Variants in EBF1 observed in about 807,000 individuals in gnomAD.
EBF1 encodes transcription factor COE1.
A neutral mutation model predicts 68.4 loss-of-function variants in EBF1; 10 were observed. The observed-to-expected ratio is 0.15, with a 90% CI of 0.09 to 0.25. The LOEUF is 0.25. Ranked by LOEUF, EBF1 falls within the 10% of genes least tolerant of loss-of-function variation. EBF1 has a pLI of 1.00. For synonymous variants in EBF1, 298 were observed against 299.8 expected (o/e 0.99, Z 0.06); for missense variants, 509 against 794.4 (o/e 0.64, Z 4.32).
At chr5:158,898,254 C>T (rs1802559415) in intron 6 of EBF1, among the ~76,000 whole-genome samples, 1 of 152,110 alleles carries the variant, frequency 6.6e-6, no homozygotes, top group Non-Finnish European at 1.5e-5. Flanking sequence ...TCCAGGTGCT[C>T]TCCTTTTACC....
chr5:158,870,717 T>C (rs1796728947), intron 6 of EBF1, among the ~76,000 whole-genome samples: 1 of 152,092 alleles, frequency 6.6e-6, no homozygotes, highest in South Asian at 2.1e-4. Context: ...ATCTGAGGCT[T>C]GCCCACTAGC....
chr5:158,797,065 C>T (rs1779727679), intron 8 of EBF1, among the ~76,000 whole-genome samples: 1 of 152,086 alleles, frequency 6.6e-6, no homozygotes, highest in Non-Finnish European at 1.5e-5. Context: ...ATGCAGGTCA[C>T]TCGGGGTGAA....
chr5:158,857,861 G>C (rs1289548227), intron 6 of EBF1, among the ~76,000 whole-genome samples: 1 of 152,148 alleles, frequency 6.6e-6, no homozygotes, highest in Non-Finnish European at 1.5e-5. Context: ...ACTGGAAAAA[G>C]TCACATAATT....
chr5:158,758,565 G>A (rs1770661356), intron 10 of EBF1, among the ~76,000 whole-genome samples: 1 of 152,046 alleles, frequency 6.6e-6, no homozygotes, highest in African/African-American at 2.4e-5. Flanking sequence ...AAACATATGA[G>A]CTATTAGAAA....
rs10063378 is a variant in EBF1 at position 158,823,066 on chromosome 5, A to G, written c.778+110T>C. 9,853 of 1,479,528 alleles carry G rather than the reference A, an allele frequency of 6.7e-3. 531 individuals carry two copies. In the African/African-American group the frequency reaches 0.12, roughly 18 times the overall value. 91.7% of individuals were successfully genotyped at this position (1,479,528 alleles called of 1,614,324 possible). On this transcript the variant is annotated intron_variant, in intron 8 of 15. Transcript: ENST00000313708. ...CCTAGAGGACCAATCTTATTCAAAAAGACTTTTGAAATTTGAAACAGAATA... is the reference window on the plus strand; with the variant it reads ...CCTAGAGGACCAATCTTATTCAAAAGGACTTTTGAAATTTGAAACAGAATA...
chr5:158,709,762 G>T (rs1335029336), intron 14 of EBF1, among the ~76,000 whole-genome samples: 2 of 152,086 alleles, frequency 1.3e-5, no homozygotes, highest in Non-Finnish European at 2.9e-5. Context: ...ACATCTCTTA[G>T]GATTTGTAAC....
At chr5:158,771,083 G>A (rs1198950787) in intron 10 of EBF1, among the ~76,000 whole-genome samples, 1 of 152,058 alleles carries the variant, frequency 6.6e-6, no homozygotes, top group Non-Finnish European at 1.5e-5. Context: ...ACAGAACACA[G>A]GTATTTTTAT....
intron 6 of EBF1, among the ~76,000 whole-genome samples, chr5:158,999,916 C>T (rs1762196756): frequency 6.6e-6 from 1 of 152,232 alleles, no homozygotes; most frequent in Admixed American, 6.5e-5. Context: ...ACATCCATCA[C>T]TGGCATTTTT....
At chr5:158,946,983 CTG>C (rs1017722945) in intron 6 of EBF1, among the ~76,000 whole-genome samples, 1 of 152,212 alleles carries the variant, frequency 6.6e-6, no homozygotes, top group Non-Finnish European at 1.5e-5. Flanking sequence ...TTTGTTAACA[CTG>C]TGAGGGGAAA....
intron 6 of EBF1, among the ~76,000 whole-genome samples, chr5:159,049,514 C>T (rs565335616): frequency 6.6e-6 from 1 of 152,334 alleles, no homozygotes; most frequent in Admixed American, 6.5e-5. Flanking sequence ...CTCACACACA[C>T]ATATATTTTA....
chr5:158,993,837 C>A (rs1247927353), intron 6 of EBF1, among the ~76,000 whole-genome samples: 4 of 152,116 alleles, frequency 2.6e-5, no homozygotes, highest in Admixed American at 6.5e-5. Flanking sequence ...CATGGTCAGA[C>A]CTAAAGGATT....
intron 5 of EBF1, among the ~76,000 whole-genome samples, chr5:159,074,327 T>C (rs1290803016): frequency 6.6e-6 from 1 of 152,188 alleles, no homozygotes; most frequent in African/African-American, 2.4e-5. Context: ...AAAAGTACAA[T>C]GGTCAACAGA....
chr5:158,777,593 A>C (rs2127679850), intron 9 of EBF1, 54 bp from the exon 10 acceptor site: 2 of 1,543,164 alleles, frequency 1.3e-6, no homozygotes, highest in Non-Finnish European at 1.8e-6. Context: ...AAAACTTCAC[A>C]GTCTTCCTAA....
chr5:159,052,798 C>T (rs1353454650), intron 6 of EBF1, among the ~76,000 whole-genome samples: 2 of 152,310 alleles, frequency 1.3e-5, no homozygotes, highest in Non-Finnish European at 2.9e-5. Context: ...GAACCCAGGG[C>T]AGGTTCAGGA....
At chr5:158,745,442 A>T (rs1767340920) in intron 10 of EBF1, among the ~76,000 whole-genome samples, 1 of 152,242 alleles carries the variant, frequency 6.6e-6, no homozygotes, top group African/African-American at 2.4e-5. Context: ...TCTGACCTTC[A>T]GCAAGGAAAA....
chr5:158,951,521 A>G (rs962413545), intron 6 of EBF1, among the ~76,000 whole-genome samples: 1 of 152,232 alleles, frequency 6.6e-6, no homozygotes, highest in African/African-American at 2.4e-5. Context: ...AATCTCTGAT[A>G]ATGCACAGAT....
intron 10 of EBF1, among the ~76,000 whole-genome samples, chr5:158,754,190 C>T (rs1769542781): frequency 6.6e-6 from 1 of 152,062 alleles, no homozygotes; most frequent in South Asian, 2.1e-4. Context: ...AGCAGAAGTT[C>T]ACCATCCTAA....
chr5:159,082,261 A>G (rs1177260254), intron 5 of EBF1, among the ~76,000 whole-genome samples: 1 of 152,182 alleles, frequency 6.6e-6, no homozygotes, highest in Non-Finnish European at 1.5e-5. Flanking sequence ...CATGACATCA[A>G]CACAAAGTTT....
At chr5:158,839,105 A>G (rs951780257) in intron 7 of EBF1, among the ~76,000 whole-genome samples, 1 of 152,236 alleles carries the variant, frequency 6.6e-6, no homozygotes, top group Non-Finnish European at 1.5e-5. Flanking sequence ...CTAAAATCCA[A>G]GTACCATTTT....
Sources: allele counts gnomAD v4.1 joint callset (sites outside exome capture counted in the v4.1 genomes callset), GRCh38; gene constraint gnomAD v4.1.1; transcripts MANE v1.5; gene names NCBI Gene and HGNC (gene_info 2026-07-23, HGNC 2026-07-21).